The following ARAP2 variants were observed in gnomAD, a reference collection of about 807,000 sequenced individuals.
ARAP2 encodes the protein ArfGAP with RhoGAP domain, ankyrin repeat and PH domain 2.
ARAP2 carries 148 observed loss-of-function variants against 194.5 expected under a neutral mutation model. That is an observed-to-expected ratio of 0.76 (90% CI 0.67 to 0.87). ARAP2 has a LOEUF of 0.87. Among genes scored for constraint, ARAP2 ranks in the 40% least tolerant of loss-of-function variants. The probability of loss-of-function intolerance (pLI) is 0.00; values close to 1 mark genes in which losing one functional copy is unlikely to be tolerated. For synonymous variants in ARAP2, 695 were observed against 683.5 expected, an observed-to-expected ratio of 1.02 and a Z score of -0.26; for missense variants, 2,128 against 1,989.7, an observed-to-expected ratio of 1.07 and a Z score of -1.32.
In ARAP2 at chr4:36,023,740, C is replaced by A. The variant is rs1717410627; in HGVS notation, n.608-4454G>T. Among the ~76,000 whole-genome samples, 2 of 152,080 alleles carry A rather than the reference C, an allele frequency of 1.3e-5. 1 individual carries two copies. The highest frequency in any genetic ancestry group is 4.1e-4 in the South Asian group (2 of 4,820). On this transcript the variant is annotated intron_variant and non_coding_transcript_variant, in intron 5 of 12. Transcript: ENST00000503225. ...AATGGAGAGATTTCATGGGCAGAGA[C>A]CTTAGACAGTGCTGAAAAGCAAGCG...
intron 19 of ARAP2, among the ~76,000 whole-genome samples, chr4:36,145,115 T>C (rs1246471712): frequency 4.0e-5 from 6 of 151,840 alleles, no homozygotes; most frequent in African/African-American, 9.7e-5. Context: ...GAAAGGCAGT[T>C]TGAAGATTTC....
At chr4:36,015,975 T>C (rs1313489391) in intron 6 of ARAP2, 1 of 152,110 alleles carries the variant, frequency 6.6e-6, no homozygotes, top group African/African-American at 2.4e-5. Flanking sequence ...AAACATTGCA[T>C]ATGTGTAAAG....
At chr4:36,201,475 T>C (rs1489942836) in intron 6 of ARAP2, among the ~76,000 whole-genome samples, 2 of 152,206 alleles carry the variant, frequency 1.3e-5, no homozygotes, top group Non-Finnish European at 2.9e-5. Flanking sequence ...CTGAGTTTTA[T>C]CTCATTTTGT....
intron 26 of ARAP2, among the ~76,000 whole-genome samples, chr4:36,108,975 A>G (rs1719145427): frequency 6.6e-6 from 1 of 151,990 alleles, no homozygotes; most frequent in South Asian, 2.1e-4. Flanking sequence ...GTTTTCGGTT[A>G]AAGTAATGAG....
intron 29 of ARAP2, 132 bp downstream of exon 29, chr4:36,083,236 A>C: frequency 3.0e-6 from 2 of 672,218 alleles, no homozygotes; most frequent in South Asian, 1.7e-5. Flanking sequence ...GTGACAGGGG[A>C]AGCAACTTAA....
At chr4:36,112,141 G>A (rs1720151943) in intron 26 of ARAP2, among the ~76,000 whole-genome samples, 2 of 151,890 alleles carry the variant, frequency 1.3e-5, no homozygotes, top group Admixed American at 1.3e-4. Context: ...CTCAGGTCCA[G>A]AATGCATCTA....
Position 36,147,417 on chromosome 4 carries a change from T to C in ARAP2, c.3200-58A>G, listed in dbSNP as rs554384322. ...TTTAAAACACTGTAATAAACACCCATGAAGACACAAATATTAATACTGCTT... is the reference window on the plus strand; with the variant it reads ...TTTAAAACACTGTAATAAACACCCACGAAGACACAAATATTAATACTGCTT... On this transcript the variant is annotated intron_variant, in intron 18 of 32. Coordinates refer to ENST00000303965, the MANE Select transcript of ARAP2 (RefSeq NM_015230.4). 2.1e-5 allele frequency: 33 copies of C among 1,587,352 alleles called. No individual in the cohort carries two copies. The South Asian group carries it at 3.3e-4, about 16-fold the overall frequency.
rs369356205 is a variant in ARAP2 at position 36,067,880 on chromosome 4, A to T, written c.*27T>A. On this transcript the variant is annotated 3_prime_UTR_variant, in exon 33 of 33. Coordinates refer to ENST00000303965, the MANE Select transcript of ARAP2 (RefSeq NM_015230.4). Reference sequence around the variant, plus strand: ...AGATTGCATACAATATTAAAAAAATAATCTGGGGAGCAATTCATTTTATTT... The same window carrying T: ...AGATTGCATACAATATTAAAAAAATTATCTGGGGAGCAATTCATTTTATTT... 6.3e-5 allele frequency: 97 copies of T among 1,535,978 alleles called. No individual in the cohort carries two copies. Among genetic ancestry groups the T allele is most frequent in the Non-Finnish European group, 7.8e-5 (89 of 1,141,822 alleles).
intron 8 of ARAP2, among the ~76,000 whole-genome samples, chr4:36,182,694 T>C (rs555973435): frequency 1.3e-5 from 2 of 152,254 alleles, no homozygotes; most frequent in South Asian, 2.1e-4. Context: ...GGTCAGGATC[T>C]AAACACATTT....
intron 22 of ARAP2, among the ~76,000 whole-genome samples, chr4:36,122,649 T>C (rs1312627210): frequency 6.6e-6 from 1 of 151,680 alleles, no homozygotes; most frequent in African/African-American, 2.4e-5. Context: ...AAATAACTAA[T>C]GGGTACTAGG....
At chr4:36,083,547 C>T in intron 28 of ARAP2, 97 bp from the exon 29 acceptor site, 2 of 838,782 alleles carry the variant, frequency 2.4e-6, no homozygotes, top group Non-Finnish European at 1.8e-6. Context: ...TGTTTAGTTT[C>T]TCAGTGTTTC....
intron 19 of ARAP2, among the ~76,000 whole-genome samples, chr4:36,136,549 A>G (rs1216808837): frequency 2.0e-5 from 3 of 151,844 alleles, no homozygotes; most frequent in Non-Finnish European, 2.9e-5. Flanking sequence ...CAAATAATAG[A>G]TCAATAAACT....
chr4:36,031,053 C>T (rs1458138664), intron 5 of ARAP2, among the ~76,000 whole-genome samples: 1 of 152,140 alleles, frequency 6.6e-6, no homozygotes, highest in African/African-American at 2.4e-5. Flanking sequence ...TCCCTTGAAC[C>T]TGGGAGGTGG....
chr4:36,219,158 T>C (rs761065201), intron 2 of ARAP2, among the ~76,000 whole-genome samples: 12 of 152,170 alleles, frequency 7.9e-5, no homozygotes, highest in Admixed American at 2.0e-4. Flanking sequence ...ATAAGAACCA[T>C]TTTGCATTAT....
At chr4:36,114,746 T>C (rs1022597495) in intron 25 of ARAP2, among the ~76,000 whole-genome samples, 1 of 151,954 alleles carries the variant, frequency 6.6e-6, no homozygotes, top group African/African-American at 2.4e-5. Flanking sequence ...TGGTAGTCTG[T>C]GGTGTGCCCT....
In ARAP2 at chr4:36,066,917, G is replaced by A. The variant is rs1245563978; in HGVS notation, c.*990C>T. On this transcript the variant is annotated 3_prime_UTR_variant, in exon 33 of 33. Coordinates refer to ENST00000303965, the MANE Select transcript of ARAP2 (RefSeq NM_015230.4). Reference sequence around the variant, plus strand: ...TTCTTCCAGTTATTTCTGACAACTCGGAGAAAAACATTACAACCTTAATAA... The same window carrying A: ...TTCTTCCAGTTATTTCTGACAACTCAGAGAAAAACATTACAACCTTAATAA... 1.3e-5 allele frequency: 2 copies of A among 151,932 alleles called. No individual in the cohort carries two copies. Among genetic ancestry groups the A allele is most frequent in the South Asian group, 4.1e-4 (2 of 4,832 alleles). The allele number at this position is 151,932 out of a possible 1,614,324, so 9.4% of individuals were successfully genotyped here. A position where few individuals can be genotyped will look rare whatever the true frequency, so the allele number is the denominator to read the frequency against.
chr4:36,228,606 CCTGGAATCT>C lies in ARAP2; in HGVS notation c.872_880del (p.Glu291_Pro293del), dbSNP rs769473636. On this transcript the variant is annotated inframe_deletion, in exon 2 of 33. Transcript: ENST00000303965. Reference sequence around the variant, plus strand: ...CCTCCCAGAAACTCCTTTTGTTGACCCTGGAATCTCTGGTACAGGTCGATGTCTTAGCAG... The same window carrying C: ...CCTCCCAGAAACTCCTTTTGTTGACCCTGGTACAGGTCGATGTCTTAGCAG... 6.2e-7 allele frequency: 1 copy of C among 1,602,152 alleles called. No homozygotes were observed. Among genetic ancestry groups the C allele is most frequent in the African/African-American group, 1.3e-5 (1 of 74,382 alleles).
intron 31 of ARAP2, among the ~76,000 whole-genome samples, chr4:36,079,432 AACAGGAAAAT>A (rs1345231688): frequency 6.6e-6 from 1 of 152,138 alleles, no homozygotes; most frequent in Non-Finnish European, 1.5e-5. Flanking sequence ...TTATAAGGGA[AACAGGAAAAT>A]ACCTCCTCAG....
At position 36,068,159 on chromosome 4, in the gene ARAP2, A is replaced by T. The variant is rs777092789; in HGVS notation, c.4863T>A (p.Asp1621Glu). 1 of 1,613,856 alleles carries T rather than the reference A, an allele frequency of 6.2e-7. No homozygotes were observed. Among genetic ancestry groups the T allele is most frequent in the East Asian group, 2.2e-5 (1 of 44,880 alleles). The change falls in exon 33 of 33, where the codon GAT (aspartate) becomes GAA (glutamate). Residue 1621 changes from aspartate to glutamate, a missense_variant. Asp to Glu is a conservative substitution (Grantham distance 45, BLOSUM62 2). Coordinates refer to ENST00000303965, the MANE Select transcript of ARAP2 (RefSeq NM_015230.4). ...GTTTTCGGGGTCGATTTCGAAGTTT[A>T]TCGTCCTTGTGCTCCAGGCAGTGGG... ...MVAHCLEHKD[D>E]KLRNRPRKHR...
Sources: gnomAD v4.1 joint callset for allele counts (sites outside exome capture counted in the v4.1 genomes callset) on GRCh38, gnomAD v4.1.1 for gene constraint, MANE v1.5 for transcripts, NCBI Gene and HGNC (gene_info 2026-07-23, HGNC 2026-07-21) for gene names.